MOCOS: variants seen among roughly 807,000 people sequenced by gnomAD.
The protein encoded by MOCOS is molybdenum cofactor sulfurase.
In MOCOS, 86 loss-of-function variants were observed where a neutral mutation model predicts 83.6. That is an observed-to-expected ratio of 1.03 (90% CI 0.86 to 1.23). The LOEUF (loss-of-function observed/expected upper bound fraction) is 1.23. Among genes scored for constraint, MOCOS ranks in the 50% most tolerant of loss-of-function variants. The pLI is 0.00. For missense variants in MOCOS, 1,120 were observed against 1,126.9 expected (o/e 0.99, Z 0.09); for synonymous variants, 445 against 434.7 (o/e 1.02, Z -0.29).
chr18:36,254,626 T>C (rs1002236506), intron 11 of MOCOS, among the ~76,000 whole-genome samples: 53 of 151,650 alleles, frequency 3.5e-4, no homozygotes, highest in African/African-American at 1.1e-3. Context: ...CATATATATA[T>C]GAACGAACTG....
chr18:36,248,188 C>T (rs2091609217), intron 9 of MOCOS, among the ~76,000 whole-genome samples: 1 of 151,972 alleles, frequency 6.6e-6, no homozygotes. Flanking sequence ...TTGCATTCCC[C>T]TGATGATTAG....
At chr18:36,198,888 G>A (rs2091400901) in intron 3 of MOCOS, 132 bp downstream of exon 3, 1 of 908,566 alleles carries the variant, frequency 1.1e-6, no homozygotes, top group Non-Finnish European at 1.8e-6. Flanking sequence ...GGCAATGCAT[G>A]TATGTTGAGA....
intron 9 of MOCOS, among the ~76,000 whole-genome samples, chr18:36,240,363 C>G (rs535051657): frequency 6.9e-6 from 1 of 145,026 alleles, no homozygotes; most frequent in South Asian, 2.2e-4. Context: ...AGACAGGACC[C>G]TCAGCTGCAG....
chr18:36,235,932 T>C (rs1390222154), intron 9 of MOCOS, among the ~76,000 whole-genome samples: 1 of 152,042 alleles, frequency 6.6e-6, no homozygotes, highest in Non-Finnish European at 1.5e-5. Flanking sequence ...ATGTCTTCTT[T>C]TGAGACGTGT....
At chr18:36,239,503 C>T (rs540041426) in intron 9 of MOCOS, among the ~76,000 whole-genome samples, 203 of 151,560 alleles carry the variant, frequency 1.3e-3, no homozygotes, top group African/African-American at 4.1e-3. Flanking sequence ...CCAAGAGATC[C>T]GCTGTTAGTC....
At chr18:36,203,398 TA>T (rs1396361619) in intron 5 of MOCOS, among the ~76,000 whole-genome samples, 1 of 152,220 alleles carries the variant, frequency 6.6e-6, no homozygotes, top group Admixed American at 6.5e-5. Context: ...TTTTTTCAGC[TA>T]AAATAACATT....
chr18:36,222,890 G>A (rs995175634), intron 9 of MOCOS, among the ~76,000 whole-genome samples: 1 of 152,170 alleles, frequency 6.6e-6, no homozygotes, highest in African/African-American at 2.4e-5. Context: ...GTGAGCCATC[G>A]CGCCCAGCCA....
At chr18:36,249,398 G>A (rs1370311561) in intron 10 of MOCOS, among the ~76,000 whole-genome samples, 1 of 152,042 alleles carries the variant, frequency 6.6e-6, no homozygotes, top group Non-Finnish European at 1.5e-5. Flanking sequence ...TGCCTTTGTT[G>A]TTTCCAAGTT....
At chr18:36,245,011 G>C (rs1164961920) in intron 9 of MOCOS, among the ~76,000 whole-genome samples, 2 of 151,996 alleles carry the variant, frequency 1.3e-5, no homozygotes, top group African/African-American at 4.8e-5. Context: ...AAGTTTATAT[G>C]AGTCCTTGTG....
chr18:36,231,425 A>T (rs555835414), intron 9 of MOCOS, among the ~76,000 whole-genome samples: 1 of 152,366 alleles, frequency 6.6e-6, no homozygotes, highest in East Asian at 1.9e-4. Flanking sequence ...ATTAACATAC[A>T]TTAATTATTG....
At chr18:36,228,229 T>C (rs956161675) in intron 9 of MOCOS, among the ~76,000 whole-genome samples, 4 of 152,226 alleles carry the variant, frequency 2.6e-5, no homozygotes, top group Non-Finnish European at 5.9e-5. Flanking sequence ...ACACCGTTGG[T>C]GGGACTGTAA....
At chr18:36,243,436 C>G (rs1394377136) in intron 9 of MOCOS, among the ~76,000 whole-genome samples, 2 of 152,156 alleles carry the variant, frequency 1.3e-5, no homozygotes, top group African/African-American at 4.8e-5. Context: ...GTAAGTTAAA[C>G]CAACTCTGCA....
intron 7 of MOCOS, 143 bp downstream of exon 7, chr18:36,213,625 C>G (rs574054397): frequency 1.3e-6 from 1 of 774,386 alleles, no homozygotes; most frequent in South Asian, 1.5e-5. Context: ...AAAAGGAATA[C>G]AAATGGAAAA....
intron 9 of MOCOS, among the ~76,000 whole-genome samples, chr18:36,231,968 G>A (rs1183205861): frequency 6.6e-6 from 1 of 151,852 alleles, no homozygotes; most frequent in Non-Finnish European, 1.5e-5. Flanking sequence ...TCTTTTTTTT[G>A]TTGTTTTGGT....
At chr18:36,191,390 A>G (rs796489203) in intron 1 of MOCOS, among the ~76,000 whole-genome samples, 1 of 152,192 alleles carries the variant, frequency 6.6e-6, no homozygotes, top group African/African-American at 2.4e-5. Flanking sequence ...CTCAGAGTCA[A>G]TTGCTGTCAC....
At chr18:36,253,266 C>CA (rs2091628500) in intron 11 of MOCOS, among the ~76,000 whole-genome samples, 1 of 152,126 alleles carries the variant, frequency 6.6e-6, no homozygotes, top group African/African-American at 2.4e-5. Flanking sequence ...AGCAATGCTG[C>CA]AACGTAAGAG....
At chr18:36,191,609 A>G (rs918724852) in intron 1 of MOCOS, among the ~76,000 whole-genome samples, 1 of 152,094 alleles carries the variant, frequency 6.6e-6, no homozygotes, top group Non-Finnish European at 1.5e-5. Flanking sequence ...ATGCCTGGCT[A>G]TTTATTTCTA....
chr18:36,251,226 C>A lies in MOCOS; in HGVS notation c.2107C>A (p.His703Asn), dbSNP rs594445. 447,986 of 1,613,574 alleles carry A rather than the reference C, an allele frequency of 0.28. 64,313 individuals are homozygous for A. The highest frequency in any genetic ancestry group is 0.33 in the Admixed American group (19,596 of 59,992). The stretch of plus-strand genomic sequence containing the variant: ...GTCAACATTTTTTGGCCGTCCTTGT[C>A]ATTTGATCAAACAAAGTTCAAACTC... Reference protein sequence around the residue: ...WLSTFFGRPCHLIKQSSNSQR... With the variant: ...WLSTFFGRPCNLIKQSSNSQR... The change falls in exon 11 of 15, where the codon CAT (histidine) becomes AAT (asparagine). Residue 703 changes from histidine (H) to asparagine (N), a missense_variant. His to Asn is a moderately conservative substitution (Grantham distance 68). Transcript: ENST00000261326.
rs192436328 is a variant in MOCOS, at chr18:36,198,800, A to T, written c.299+44A>T. The T allele has an allele frequency of 5.0e-5, 79 of 1,591,980 alleles. No individual in the cohort carries two copies. In the Middle Eastern group the frequency reaches 8.3e-4, roughly 17 times the overall value. On this transcript the variant is annotated intron_variant, in intron 3 of 14. Coordinates refer to ENST00000261326, the MANE Select transcript of MOCOS (RefSeq NM_017947.4). Reference sequence around the variant, plus strand: ...TGCCTGACTGGGCATACCTAGGCAGACAGACTTCCTTCCTAGGACTTGCCT... The same window carrying T: ...TGCCTGACTGGGCATACCTAGGCAGTCAGACTTCCTTCCTAGGACTTGCCT...
Sources: gnomAD v4.1 joint callset for allele counts (sites outside exome capture counted in the v4.1 genomes callset) on GRCh38, gnomAD v4.1.1 for gene constraint, MANE v1.5 for transcripts, NCBI Gene and HGNC (gene_info 2026-07-23, HGNC 2026-07-21) for gene names.